ZNF362: variants seen among roughly 807,000 people sequenced by gnomAD.
ZNF362 encodes rotund homolog.
In ZNF362, 11 loss-of-function variants were observed where a neutral mutation model predicts 42.9. That is an observed-to-expected ratio of 0.26 (90% confidence interval 0.16 to 0.42). The LOEUF (loss-of-function observed/expected upper bound fraction) is 0.42, where lower values mean the gene tolerates loss of function less well. ZNF362 is among the 20% of genes least tolerant of loss of function. The pLI is 1.00. For missense variants in ZNF362, 362 were observed against 576.2 expected, an observed-to-expected ratio of 0.63 and a Z score of 3.81; for synonymous variants, 255 against 257.3, an observed-to-expected ratio of 0.99 and a Z score of 0.09.
Position 33,294,525 on chromosome 1 carries a change from C to A in ZNF362, c.909-412C>A, listed in dbSNP as rs1646103124. Among the ~76,000 whole-genome samples the A allele has an allele frequency of 6.6e-6, 1 of 152,154 alleles. No homozygotes were observed. On this transcript the variant is annotated intron_variant, in intron 6 of 8. Coordinates refer to ENST00000539719, the MANE Select transcript of ZNF362 (RefSeq NM_152493.3). The surrounding 1 kb of genome is among the most constrained non-coding windows in gnomAD (Gnocchi z 4.2). ...GCCAATTAGAGGGAGATGTCTCCTT[C>A]TTCTTAGGGAAGGAGGCTGGGTGGG...
the ZNF362 span, among the ~76,000 whole-genome samples, chr1:33,215,627 T>C: frequency 6.6e-6 from 1 of 152,142 alleles, no homozygotes; most frequent in African/African-American, 2.4e-5. Flanking sequence ...CCCTATGTAC[T>C]CCATGAATAT....
the ZNF362 span, among the ~76,000 whole-genome samples, chr1:33,180,857 C>T: frequency 6.6e-6 from 1 of 151,032 alleles, no homozygotes; most frequent in Non-Finnish European, 1.5e-5. Flanking sequence ...GCGGCCCCGC[C>T]CCTCCCTGCC....
At chr1:33,128,521 A>C in the ZNF362 span, among the ~76,000 whole-genome samples, 1 of 152,350 alleles carries the variant, frequency 6.6e-6, no homozygotes, top group African/African-American at 2.4e-5. Flanking sequence ...ACAGATAGCA[A>C]CTAGTGGAGG....
intron 2 of ZNF362, among the ~76,000 whole-genome samples, chr1:33,272,244 T>C (rs1241567743): frequency 1.3e-5 from 2 of 152,094 alleles, no homozygotes; most frequent in East Asian, 3.9e-4. Context: ...CGGTGGTGTG[T>C]GGTTGGCCTT....
chr1:33,141,227 G>A, the ZNF362 span, among the ~76,000 whole-genome samples: 1 of 151,510 alleles, frequency 6.6e-6, no homozygotes, highest in East Asian at 2.0e-4. Context: ...TTGTACCCCC[G>A]CAGACCTTCT....
the ZNF362 span, among the ~76,000 whole-genome samples, chr1:33,140,909 G>T: frequency 6.6e-6 from 1 of 152,156 alleles, no homozygotes; most frequent in East Asian, 1.9e-4. This position sits in a 1 kb window ranked among gnomAD's most constrained non-coding sequence, Gnocchi z 4.0. Flanking sequence ...GTTCCCAGGG[G>T]GTAGGAGGAG....
At chr1:33,269,569 C>T (rs1299397263) in intron 1 of ZNF362, among the ~76,000 whole-genome samples, 1 of 152,202 alleles carries the variant, frequency 6.6e-6, no homozygotes, top group Admixed American at 6.5e-5. Context: ...CAGGTTCTCA[C>T]TCTGTCACCC....
rs375130127 is a variant in ZNF362 at position 33,299,729 on chromosome 1, C to T, written c.*683C>T. ...AAGGGTGCAGTGATGGGCTGGGTGG[C>T]GGGCCCAGGGAAATGGGGTGGGGAT... On this transcript the variant is annotated 3_prime_UTR_variant, in exon 9 of 9. Transcript: ENST00000539719. The T allele has an allele frequency of 2.0e-4, 28 of 140,254 alleles. No homozygotes were observed. The East Asian group carries it at 4.8e-3, about 24-fold the overall frequency. 8.7% of individuals were successfully genotyped at this position (140,254 alleles called of 1,614,324 possible). A position where few individuals can be genotyped will look rare whatever the true frequency, so the allele number is the denominator to read the frequency against.
intron 1 of ZNF362, among the ~76,000 whole-genome samples, chr1:33,262,897 C>T (rs371482087): frequency 8.5e-5 from 13 of 152,306 alleles, no homozygotes; most frequent in East Asian, 3.9e-4. Flanking sequence ...CATGCACACA[C>T]GGTATGCACA....
At chr1:33,131,253 T>A in the ZNF362 span, among the ~76,000 whole-genome samples, 1 of 152,262 alleles carries the variant, frequency 6.6e-6, no homozygotes, top group African/African-American at 2.4e-5. Flanking sequence ...TCTCCACAAA[T>A]GTTTACTAAG....
the ZNF362 span, among the ~76,000 whole-genome samples, chr1:33,219,043 A>G: frequency 1.3e-5 from 2 of 151,448 alleles, no homozygotes; most frequent in Admixed American, 6.6e-5. Context: ...CACTTGATTC[A>G]CTGACCCTTA....
the ZNF362 span, among the ~76,000 whole-genome samples, chr1:33,213,014 C>T: frequency 6.6e-6 from 1 of 152,130 alleles, no homozygotes; most frequent in African/African-American, 2.4e-5. Flanking sequence ...AATGGAAATG[C>T]TCCTTGGCAA....
chr1:33,275,300 C>T, intron 2 of ZNF362: 3 of 985,422 alleles, frequency 3.0e-6, no homozygotes, highest in Non-Finnish European at 3.6e-6. Context: ...GGCCTTCTAA[C>T]CGCACAGGCC....
In ZNF362 at chr1:33,283,664, C is replaced by T. The variant is rs145739331; in HGVS notation, c.908+1853C>T. Among the ~76,000 whole-genome samples, 1,252 of 152,150 alleles carry T rather than the reference C, an allele frequency of 8.2e-3. 17 individuals carry two copies. Among genetic ancestry groups the T allele is most frequent in the African/African-American group, 0.028 (1,159 of 41,498 alleles). On this transcript the variant is annotated intron_variant, in intron 6 of 8. Transcript: ENST00000539719. Reference sequence around the variant, plus strand: ...AGGCTTCAGTGAGCTGATGTCACACCACTGCACTCCAGCCTGGGGGACAGA... The same window carrying T: ...AGGCTTCAGTGAGCTGATGTCACACTACTGCACTCCAGCCTGGGGGACAGA...
At chr1:33,267,232 A>G (rs147476466) in intron 1 of ZNF362, among the ~76,000 whole-genome samples, 53 of 152,298 alleles carry the variant, frequency 3.5e-4, no homozygotes, top group African/African-American at 1.1e-3. Flanking sequence ...AAAGTCACAT[A>G]AGAATACTCT....
At chr1:33,270,324 G>A (rs1645892950) in intron 1 of ZNF362, among the ~76,000 whole-genome samples, 163 bp from the exon 2 acceptor site, 1 of 152,224 alleles carries the variant, frequency 6.6e-6, no homozygotes, top group Admixed American at 6.5e-5. Flanking sequence ...TTTGGGGCAA[G>A]TTGGTCAATC....
At chr1:33,212,253 G>A in the ZNF362 span, among the ~76,000 whole-genome samples, 1 of 152,112 alleles carries the variant, frequency 6.6e-6, no homozygotes, top group East Asian at 1.9e-4. Context: ...TTCCTATACA[G>A]CTTGCAGTAC....
the ZNF362 span, among the ~76,000 whole-genome samples, chr1:33,226,548 A>G: frequency 6.6e-6 from 1 of 152,186 alleles, no homozygotes; most frequent in Non-Finnish European, 1.5e-5. Context: ...TCCTGCTACA[A>G]TATGGATGGA....
the ZNF362 span, among the ~76,000 whole-genome samples, chr1:33,200,633 A>G: frequency 6.6e-6 from 1 of 152,240 alleles, no homozygotes; most frequent in Non-Finnish European, 1.5e-5. Flanking sequence ...TAGCCAATCA[A>G]AATGAAGTAG....
Sources: allele counts gnomAD v4.1 joint callset (sites outside exome capture counted in the v4.1 genomes callset), GRCh38; gene constraint gnomAD v4.1.1; non-coding constraint Gnocchi (gnomAD v3.1); transcripts MANE v1.5; gene names NCBI Gene and HGNC (gene_info 2026-07-23, HGNC 2026-07-21).